DNMT3B: variants seen among roughly 807,000 people sequenced by gnomAD.
DNMT3B encodes the protein DNA (cytosine-5)-methyltransferase 3B.
A neutral mutation model predicts 120.2 loss-of-function variants in DNMT3B; 37 were observed. The observed-to-expected ratio is 0.31, with a 90% CI of 0.24 to 0.40. DNMT3B has a LOEUF of 0.40. DNMT3B is among the 10% of genes least tolerant of loss of function. DNMT3B has a pLI of 1.00. For missense variants in DNMT3B, 878 were observed against 1,137.3 expected (o/e 0.77, Z 3.28); for synonymous variants, 412 against 442.8 (o/e 0.93, Z 0.87).
chr20:32,796,900 C>G (rs1293519639), intron 13 of DNMT3B, 31 bp downstream of exon 13: 2 of 1,614,214 alleles, frequency 1.2e-6, no homozygotes, highest in Non-Finnish European at 1.7e-6. Flanking sequence ...CCTGGACCTT[C>G]CTCCCCTTGC....
chr20:32,801,337 G>A lies in DNMT3B; in HGVS notation c.2056G>A (p.Glu686Lys). The A allele has an allele frequency of 6.2e-7, 1 of 1,614,194 alleles. No homozygotes were observed. The highest frequency in any genetic ancestry group is 8.5e-7 in the Non-Finnish European group (1 of 1,180,042). Residue 686 changes from glutamate (E) to lysine (K), a missense_variant, in exon 19 of 23, where the codon GAG becomes AAG. Transcript: ENST00000328111. ...CCTGCTGAATTACTCACGCCCCAAG[G>A]AGGGTGATGACCGGCCGTTCTTCTG... ...YHLLNYSRPK[E>K]GDDRPFFWMF...
chr20:32,787,138 C>T, intron 5 of DNMT3B, 92 bp from the exon 6 acceptor site: 1 of 1,469,834 alleles, frequency 6.8e-7, no homozygotes, highest in Non-Finnish European at 9.5e-7. Flanking sequence ...TTTCCTCTTT[C>T]TTTTTGCCTA....
intron 1 of DNMT3B, chr20:32,779,899 G>T (rs570640182): frequency 4.8e-6 from 3 of 623,892 alleles, no homozygotes; most frequent in Admixed American, 5.4e-5. Flanking sequence ...TAATGCACTG[G>T]CTTCCTGAGC....
rs935775196 is a variant in DNMT3B, at chr20:32,795,138, C to T, written c.1127-271C>T. ...GTATGCCAGGCTTTTAGCTTTGAAT[C>T]GAGCTTTGCTCTCTGAGCTGAGTCA... is the stretch of plus-strand genomic sequence containing the variant. On this transcript the variant is annotated intron_variant, in intron 10 of 22. Coordinates refer to ENST00000328111, the MANE Select transcript of DNMT3B (RefSeq NM_006892.4). 6.6e-5 allele frequency among the ~76,000 whole-genome samples: 10 copies of T among 152,178 alleles called. No homozygotes were observed. In the East Asian group the frequency reaches 1.5e-3, roughly 23 times the overall value.
At chr20:32,801,019 G>A in intron 18 of DNMT3B, 94 bp downstream of exon 18, 8 of 1,479,180 alleles carry the variant, frequency 5.4e-6, no homozygotes, top group Non-Finnish European at 6.6e-6. Flanking sequence ...ACTTGCTTCT[G>A]GCCAAGTTAC....
At chr20:32,792,826 T>G (rs1980142220) in intron 9 of DNMT3B, 56 bp downstream of exon 9, 1 of 1,611,002 alleles carries the variant, frequency 6.2e-7, no homozygotes, top group Non-Finnish European at 8.5e-7. Flanking sequence ...GACCACTTCT[T>G]GGGAGAGTCA....
intron 7 of DNMT3B, 55 bp from the exon 8 acceptor site, chr20:32,791,546 C>T (rs1979973097): frequency 2.6e-6 from 4 of 1,553,672 alleles, no homozygotes; most frequent in Non-Finnish European, 3.5e-6. Flanking sequence ...TTGTGATAGA[C>T]ATGGCACCTG....
Position 32,788,976 on chromosome 20 carries a change from G to T in DNMT3B, c.777G>T (p.Arg259=). 6.2e-7 allele frequency: 1 copy of T among 1,614,246 alleles called. No homozygotes were observed. The highest frequency in any genetic ancestry group is 8.5e-7 in the Non-Finnish European group (1 of 1,180,050). The change falls in exon 7 of 23, where the codon CGG becomes CGT. Residue 259 remains arginine, a synonymous_variant. Transcript: ENST00000328111. ...TSKRQAMSGM[R]WVQWFGDGKF... The stretch of plus-strand genomic sequence containing the variant: ...AGCGACAGGCTATGTCTGGCATGCG[G>T]TGGGTCCAGTGGTTTGGCGATGGCA...
intron 6 of DNMT3B, 73 bp from the exon 7 acceptor site, chr20:32,788,781 C>T: frequency 5.7e-6 from 9 of 1,591,138 alleles, no homozygotes; most frequent in Non-Finnish European, 7.8e-6. Flanking sequence ...CCCTCAGGGA[C>T]AGTGGAGTGG....
At chr20:32,801,108 T>C (rs971871038) in intron 18 of DNMT3B, among the ~76,000 whole-genome samples, 170 bp from the exon 19 acceptor site, 1 of 152,110 alleles carries the variant, frequency 6.6e-6, no homozygotes, top group Non-Finnish European at 1.5e-5. Flanking sequence ...CCCTAGTAAA[T>C]AGTGCCCTGC....
chr20:32,795,445 C>T lies in DNMT3B; in HGVS notation c.1163C>T (p.Ala388Val), dbSNP rs774150930. 1 of 1,614,124 alleles carries T rather than the reference C, an allele frequency of 6.2e-7. No individual in the cohort carries two copies. Among genetic ancestry groups the T allele is most frequent in the South Asian group, 1.1e-5 (1 of 91,074 alleles). The change falls in exon 11 of 23, where the codon GCC (alanine) becomes GTC (valine). Residue 388 changes from alanine to valine, a missense_variant. Transcript: ENST00000328111. ...KTRRRTADDS[A>V]TSDYCPAPKR... ...CGAAGACGCACAGCTGACGACTCAG[C>T]CACCTCTGACTACTGCCCCGCACCC...
At position 32,784,873 on chromosome 20, in the gene DNMT3B, C is replaced by T. The variant is rs1230410337; in HGVS notation, c.306+14C>T. The T allele has an allele frequency of 2.5e-6, 4 of 1,613,806 alleles. No individual in the cohort carries two copies. The highest frequency in any genetic ancestry group is 3.4e-6 in the Non-Finnish European group (4 of 1,179,782). Reference sequence around the variant, plus strand: ...GAAAGCCCAGCTGTAAGTAGCCACACCTCGAGCCAAAGCACTTGTGGCCAA... The same window carrying T: ...GAAAGCCCAGCTGTAAGTAGCCACATCTCGAGCCAAAGCACTTGTGGCCAA... On this transcript the variant is annotated intron_variant, in intron 4 of 22. Transcript: ENST00000328111.
chr20:32,773,199 C>T (rs546198531), intron 1 of DNMT3B, among the ~76,000 whole-genome samples: 21 of 151,972 alleles, frequency 1.4e-4, no homozygotes, highest in Non-Finnish European at 2.5e-4. Flanking sequence ...GTCCACCTCC[C>T]GGGTTCAAGC....
At chr20:32,789,126 A>C in intron 7 of DNMT3B, 114 bp downstream of exon 7, 1 of 1,478,464 alleles carries the variant, frequency 6.8e-7, no homozygotes. Context: ...CTATGCCTTC[A>C]CACTGTCTGG....
intron 1 of DNMT3B, among the ~76,000 whole-genome samples, chr20:32,766,056 T>C (rs1170375104): frequency 1.3e-5 from 2 of 152,114 alleles, no homozygotes; most frequent in African/African-American, 4.8e-5. Flanking sequence ...TGTGCCTGGC[T>C]ATGCTTTTAT....
chr20:32,773,546 C>A (rs1274299696), intron 1 of DNMT3B, among the ~76,000 whole-genome samples: 1 of 151,664 alleles, frequency 6.6e-6, no homozygotes, highest in Admixed American at 6.6e-5. Flanking sequence ...TACCAACTTC[C>A]CAGTGAATTG....
intron 12 of DNMT3B, among the ~76,000 whole-genome samples, chr20:32,796,257 C>CA (rs1012908493): frequency 6.6e-6 from 1 of 152,198 alleles, no homozygotes; most frequent in African/African-American, 2.4e-5. Flanking sequence ...CTCACTCCCC[C>CA]ATCTGGCTAG....
intron 3 of DNMT3B, 102 bp downstream of exon 3, chr20:32,781,516 A>G (rs1978625721): frequency 7.8e-7 from 1 of 1,274,082 alleles, no homozygotes; most frequent in South Asian, 1.2e-5. Context: ...CTGCAAATGT[A>G]TGGAGGGTTG....
At chr20:32,764,218 A>G (rs1987159688) in intron 1 of DNMT3B, among the ~76,000 whole-genome samples, 1 of 152,194 alleles carries the variant, frequency 6.6e-6, no homozygotes, top group African/African-American at 2.4e-5. Flanking sequence ...TAATTATTAC[A>G]TCTGTGAATT....
Sources: allele counts gnomAD v4.1 joint callset (sites outside exome capture counted in the v4.1 genomes callset), GRCh38; gene constraint gnomAD v4.1.1; transcripts MANE v1.5; gene names NCBI Gene and HGNC (gene_info 2026-07-23, HGNC 2026-07-21).